Variants in MEIOSIN observed in about 807,000 individuals in gnomAD.
The protein encoded by MEIOSIN is meiosis initiator, also known as meiosis initiator protein.
MEIOSIN carries 18 observed loss-of-function variants against 23.4 expected under a neutral mutation model. The observed-to-expected ratio is 0.77, with a 90% CI of 0.53 to 1.14. The LOEUF (loss-of-function observed/expected upper bound fraction) is 1.14. Ranked by LOEUF, MEIOSIN falls within the 50% of genes most tolerant of loss-of-function variation. MEIOSIN has a pLI of 0.00. For synonymous variants in MEIOSIN, 187 were observed against 100.6 expected (o/e 1.86, Z -5.14); for missense variants, 428 against 242.9 (o/e 1.76, Z -5.07).
Position 45,753,760 on chromosome 19 carries a change from T to C in MEIOSIN, c.528T>C (p.Pro176=). The C allele has an allele frequency of 1.4e-6, 1 of 702,706 alleles. No individual in the cohort carries two copies. Among genetic ancestry groups the C allele is most frequent in the Non-Finnish European group, 2.6e-6 (1 of 384,888 alleles). 43.5% of individuals were successfully genotyped at this position (702,706 alleles called of 1,614,324 possible). ...GTCTCCAGGGGGCGTGCCAGAAGCC[T>C]CGGAAGAAGAAGCTGACCCAGGCAT... is the stretch of plus-strand genomic sequence containing the variant. ...KSCLQGACQK[P]RKKKLTQASE... Residue 176 remains proline (P), a synonymous_variant, in exon 6 of 15, where the codon CCT becomes CCC. Coordinates refer to ENST00000457052, the MANE Select transcript of MEIOSIN (RefSeq NM_001310124.2).
intron 13 of MEIOSIN, among the ~76,000 whole-genome samples, chr19:45,762,420 GT>G (rs1046379318): frequency 1.3e-5 from 2 of 151,954 alleles, no homozygotes; most frequent in Non-Finnish European, 2.9e-5. Flanking sequence ...AAAAAAAGGA[GT>G]TTTTTTTGTT....
At chr19:45,746,727 G>A (rs556746067) in intron 4 of MEIOSIN, among the ~76,000 whole-genome samples, 40 of 151,890 alleles carry the variant, frequency 2.6e-4, no homozygotes, top group Admixed American at 1.1e-3. Context: ...AGGCTGAGGC[G>A]GGAGATTTGC....
At chr19:45,738,113 A>G (rs757417940) in intron 2 of MEIOSIN, among the ~76,000 whole-genome samples, 30 of 152,140 alleles carry the variant, frequency 2.0e-4, no homozygotes, top group Admixed American at 3.3e-4. Flanking sequence ...AGTGTAATGA[A>G]TCTTATAGAG....
chr19:45,750,589 G>T, intron 4 of MEIOSIN, 86 bp from the exon 5 acceptor site: 1 of 398,586 alleles, frequency 2.5e-6, no homozygotes, highest in South Asian at 5.2e-5. Context: ...TCGAACTCCT[G>T]ACCTCATGAT....
chr19:45,735,589 A>G (rs78269560), intron 2 of MEIOSIN, 142 bp downstream of exon 2: 7,802 of 565,454 alleles, frequency 0.014, 504 homozygotes, highest in African/African-American at 0.13. Flanking sequence ...CCATACAACA[A>G]TCTCATGAGG....
chr19:45,743,015 T>C (rs1968533427), intron 3 of MEIOSIN, among the ~76,000 whole-genome samples: 1 of 152,134 alleles, frequency 6.6e-6, no homozygotes, highest in African/African-American at 2.4e-5. Flanking sequence ...ACCCGAACCA[T>C]CCAGCAAAGA....
chr19:45,764,445 A>G lies in MEIOSIN; in HGVS notation c.*327A>G. 1 of 277,672 alleles carries G rather than the reference A, an allele frequency of 3.6e-6. No homozygotes were observed. The allele number at this position is 277,672 out of a possible 1,614,324, so 17.2% of individuals were successfully genotyped here. ...GAGCCACTCGGTTGCAACCCTGTTC[A>G]TGCTCACCTCACCCTACTCCTCCCT... On this transcript the variant is annotated 3_prime_UTR_variant, in exon 15 of 15. Coordinates refer to ENST00000457052, the MANE Select transcript of MEIOSIN (RefSeq NM_001310124.2).
chr19:45,735,537 A>G, intron 2 of MEIOSIN, 90 bp downstream of exon 2: 1 of 638,228 alleles, frequency 1.6e-6, no homozygotes, highest in Non-Finnish European at 2.9e-6. Context: ...ACCGTTTGCT[A>G]GACTCTTTGC....
At chr19:45,738,146 G>A (rs181325098) in intron 2 of MEIOSIN, among the ~76,000 whole-genome samples, 62 of 152,264 alleles carry the variant, frequency 4.1e-4, no homozygotes, top group African/African-American at 1.4e-3. Flanking sequence ...GCAGATTGGA[G>A]GTTGGATCAG....
intron 1 of MEIOSIN, among the ~76,000 whole-genome samples, chr19:45,734,439 G>A (rs2146169465): frequency 6.6e-6 from 1 of 152,234 alleles, no homozygotes; most frequent in Middle Eastern, 3.4e-3. Flanking sequence ...AAGATCAGAA[G>A]TTGACAGTTT....
chr19:45,745,302 G>T lies in MEIOSIN; in HGVS notation c.287G>T (p.Gly96Val). 1 of 702,930 alleles carries T rather than the reference G, an allele frequency of 1.4e-6. No homozygotes were observed. The highest frequency in any genetic ancestry group is 2.6e-6 in the Non-Finnish European group (1 of 384,994). 43.5% of individuals were successfully genotyped at this position (702,930 alleles called of 1,614,324 possible). A position where few individuals can be genotyped will look rare whatever the true frequency, so the allele number is the denominator to read the frequency against. ...CTGCTGCCCATAGCCCTGAAGACGG[G>T]GACCAAGAAGCTCACAAAGGTACAG... ...ALLLPIALKT[G>V]TKKLTKKEIL... The change falls in exon 4 of 15, where the codon GGG becomes GTG. Residue 96 changes from glycine (G) to valine (V), a missense_variant. Coordinates refer to ENST00000457052, the MANE Select transcript of MEIOSIN (RefSeq NM_001310124.2).
intron 9 of MEIOSIN, 139 bp downstream of exon 9, chr19:45,757,416 C>A (rs964491624): frequency 1.8e-6 from 1 of 554,104 alleles, no homozygotes; most frequent in Admixed American, 2.9e-5. Flanking sequence ...ACACACAGTG[C>A]ACCTGCCAGC....
At chr19:45,758,014 T>TC (rs397727775) in intron 9 of MEIOSIN, among the ~76,000 whole-genome samples, 3 of 151,662 alleles carry the variant, frequency 2.0e-5, no homozygotes, top group African/African-American at 7.3e-5. Flanking sequence ...TTTTTTTTTT[T>TC]GAGACGGAGT....
Position 45,750,793 on chromosome 19 carries a change from A to C in MEIOSIN, c.418+7A>C, listed in dbSNP as rs562185946. The C allele has an allele frequency of 8.6e-5, 51 of 594,778 alleles. No individual in the cohort carries two copies. The Middle Eastern group carries it at 1.5e-3, about 18-fold the overall frequency. 36.8% of individuals were successfully genotyped at this position (594,778 alleles called of 1,614,324 possible). ...GGGGAAGGTGGACTTGCGGGTAAGT[A>C]GTTCAGCCAGTGTTTCCTGGTGCCT... is the stretch of plus-strand genomic sequence containing the variant. On this transcript the variant is annotated splice_region_variant and intron_variant, in intron 5 of 14. Coordinates refer to ENST00000457052, the MANE Select transcript of MEIOSIN (RefSeq NM_001310124.2).
At chr19:45,749,402 G>A (rs1268369694) in intron 4 of MEIOSIN, among the ~76,000 whole-genome samples, 3 of 148,036 alleles carry the variant, frequency 2.0e-5, no homozygotes, top group South Asian at 2.1e-4. Flanking sequence ...AAGGCCGAGC[G>A]CAGTGGCTCA....
At position 45,733,982 on chromosome 19, in the gene MEIOSIN, A is replaced by T. The variant is rs1478802718; in HGVS notation, c.-1+316A>T. ...TGAAGAGCTTGAGTTTTGTGACTGG[A>T]AGCTTTCTCCTTGGAATCCAGAGAT... is the stretch of plus-strand genomic sequence containing the variant. On this transcript the variant is annotated intron_variant, in intron 1 of 14. Coordinates refer to ENST00000457052, the MANE Select transcript of MEIOSIN (RefSeq NM_001310124.2). This position sits in a 1 kb window ranked among gnomAD's most constrained non-coding sequence, Gnocchi z 5.7. Among the ~76,000 whole-genome samples the T allele has an allele frequency of 6.6e-6, 1 of 151,898 alleles. No individual in the cohort carries two copies. Among genetic ancestry groups the T allele is most frequent in the Non-Finnish European group, 1.5e-5 (1 of 67,982 alleles).
At position 45,735,367 on chromosome 19, in the gene MEIOSIN, C is replaced by T; in HGVS notation, c.1-10C>T. 2.8e-6 allele frequency: 2 copies of T among 702,534 alleles called. No homozygotes were observed. The highest frequency in any genetic ancestry group is 2.6e-6 in the Non-Finnish European group (1 of 384,766). 43.5% of individuals were successfully genotyped at this position (702,534 alleles called of 1,614,324 possible). A position where few individuals can be genotyped will look rare whatever the true frequency, so the allele number is the denominator to read the frequency against. On this transcript the variant is annotated splice_polypyrimidine_tract_variant and intron_variant, in intron 1 of 14. Transcript: ENST00000457052. ...AGAGGTCACTAATCATTCTTTTTCC[C>T]TCTTTGCAGATGTTTGGTTCCAGCA...
Position 45,750,734 on chromosome 19 carries a change from C to A in MEIOSIN, c.366C>A (p.Ala122=). ...YIQYLQRNID[A]AKALFKCHIT... ...AGTACCTCCAGAGAAACATCGATGC[C>A]GCCAAGGCCTTGTTCAAATGCCACA... The change falls in exon 5 of 15, where the codon GCC becomes GCA. Residue 122 remains alanine, a synonymous_variant. Transcript: ENST00000457052. The A allele has an allele frequency of 4.7e-6, 3 of 645,092 alleles. No homozygotes were observed. The highest frequency in any genetic ancestry group is 8.3e-6 in the Non-Finnish European group (3 of 361,916). The allele number at this position is 645,092 out of a possible 1,614,324, so 40.0% of individuals were successfully genotyped here.
intron 5 of MEIOSIN, 117 bp from the exon 6 acceptor site, chr19:45,753,534 G>A: frequency 1.7e-6 from 1 of 597,668 alleles, no homozygotes; most frequent in Non-Finnish European, 3.0e-6. Context: ...ACACTGTAAA[G>A]TCAGCCTGGG....
Sources: allele counts gnomAD v4.1 joint callset (sites outside exome capture counted in the v4.1 genomes callset), GRCh38; gene constraint gnomAD v4.1.1; non-coding constraint Gnocchi (gnomAD v3.1); transcripts MANE v1.5; gene names NCBI Gene and HGNC (gene_info 2026-07-23, HGNC 2026-07-21).